Variants in PRUNE2 observed in about 807,000 individuals in gnomAD.
PRUNE2 encodes protein prune homolog 2.
PRUNE2 carries 164 observed loss-of-function variants against 252.0 expected under a neutral mutation model. The observed-to-expected ratio is 0.65, with a 90% CI of 0.57 to 0.74. PRUNE2 has a LOEUF of 0.74. Among genes scored for constraint, PRUNE2 ranks in the 30% least tolerant of loss-of-function variants. The pLI is 0.00. For missense variants in PRUNE2, 3,495 were observed against 3,711.0 expected (o/e 0.94, Z 1.51); for synonymous variants, 1,292 against 1,350.2 (o/e 0.96, Z 0.94).
chr9:76,640,474 T>C (rs1005331989), intron 12 of PRUNE2, among the ~76,000 whole-genome samples: 4 of 152,246 alleles, frequency 2.6e-5, no homozygotes, highest in African/African-American at 7.2e-5. Flanking sequence ...ATACAGTATT[T>C]ATACTACAGA....
At position 76,768,478 on chromosome 9, in the gene PRUNE2, C is replaced by T. The variant is rs1242038303; in HGVS notation, c.757-54757G>A. On this transcript the variant is annotated intron_variant, in intron 6 of 18. Coordinates refer to ENST00000376718, the MANE Select transcript of PRUNE2 (RefSeq NM_015225.3). Reference sequence around the variant, plus strand: ...AAAGTGCTGGGATTACAGGCATGGGCTACTACTCCTGGCCCCATTTCAACA... The same window carrying T: ...AAAGTGCTGGGATTACAGGCATGGGTTACTACTCCTGGCCCCATTTCAACA... 3.9e-5 allele frequency among the ~76,000 whole-genome samples: 6 copies of T among 152,116 alleles called. No homozygotes were observed. The East Asian group carries it at 1.2e-3, about 29-fold the overall frequency.
At chr9:76,673,119 G>T (rs1381816558) in intron 9 of PRUNE2, among the ~76,000 whole-genome samples, 1 of 152,036 alleles carries the variant, frequency 6.6e-6, no homozygotes, top group African/African-American at 2.4e-5. Flanking sequence ...CCAGGAGCTG[G>T]TTTTTTGAAA....
intron 4 of PRUNE2, among the ~76,000 whole-genome samples, chr9:76,837,102 T>C (rs573720669): frequency 1.3e-5 from 2 of 152,054 alleles, no homozygotes; most frequent in Non-Finnish European, 2.9e-5. Context: ...AAAAGAAATT[T>C]GGAGCAGAAA....
chr9:76,626,341 A>C (rs943194140), intron 16 of PRUNE2, among the ~76,000 whole-genome samples: 1 of 152,192 alleles, frequency 6.6e-6, no homozygotes, highest in Admixed American at 6.5e-5. Context: ...TGGTTGTGGG[A>C]GTGGCTGAGA....
intron 6 of PRUNE2, among the ~76,000 whole-genome samples, chr9:76,745,214 G>A (rs1486174154): frequency 6.6e-6 from 1 of 152,088 alleles, no homozygotes; most frequent in Non-Finnish European, 1.5e-5. Flanking sequence ...GCTAACTTTG[G>A]GGGACATTAA....
At chr9:76,779,403 CA>C (rs1317722886) in intron 6 of PRUNE2, among the ~76,000 whole-genome samples, 1 of 152,098 alleles carries the variant, frequency 6.6e-6, no homozygotes, top group African/African-American at 2.4e-5. Context: ...AATTTTGAAA[CA>C]TATCAAAGCT....
At chr9:76,655,121 A>G (rs1263228919) in intron 10 of PRUNE2, among the ~76,000 whole-genome samples, 9 of 152,178 alleles carry the variant, frequency 5.9e-5, no homozygotes, top group Admixed American at 5.9e-4. Context: ...GAGAACTTAG[A>G]CATTAGTCAG....
At chr9:76,830,998 C>G (rs543009924) in intron 4 of PRUNE2, among the ~76,000 whole-genome samples, 1 of 150,364 alleles carries the variant, frequency 6.7e-6, no homozygotes, top group East Asian at 2.0e-4. Flanking sequence ...TGCGTGATCT[C>G]GGCTCTCTGC....
intron 15 of PRUNE2, among the ~76,000 whole-genome samples, chr9:76,632,557 G>A (rs1838136418): frequency 6.6e-6 from 1 of 152,128 alleles, no homozygotes; most frequent in Admixed American, 6.6e-5. Flanking sequence ...GCTGCTGTCA[G>A]TTTATTATTA....
At chr9:76,731,972 C>A (rs1254188850) in intron 6 of PRUNE2, among the ~76,000 whole-genome samples, 1 of 152,218 alleles carries the variant, frequency 6.6e-6, no homozygotes, top group Non-Finnish European at 1.5e-5. Flanking sequence ...CCACCACTAG[C>A]AAGCATCAGG....
intron 4 of PRUNE2, among the ~76,000 whole-genome samples, chr9:76,840,679 A>T (rs2059333168): frequency 6.6e-6 from 1 of 152,226 alleles, no homozygotes; most frequent in Non-Finnish European, 1.5e-5. Context: ...ACCTAGAAGA[A>T]TACATAAAAA....
intron 9 of PRUNE2, among the ~76,000 whole-genome samples, chr9:76,682,775 A>G (rs1166131189): frequency 6.6e-6 from 1 of 152,260 alleles, no homozygotes; most frequent in Non-Finnish European, 1.5e-5. Context: ...AGATCAAATC[A>G]GCATCACTTG....
At chr9:76,721,851 G>C (rs73650287) in intron 6 of PRUNE2, among the ~76,000 whole-genome samples, 4,090 of 152,238 alleles carry the variant, frequency 0.027, 162 homozygotes, top group African/African-American at 0.091. Flanking sequence ...AACTTGAAGG[G>C]ATTATGATTT....
intron 12 of PRUNE2, chr9:76,644,474 A>G (rs2132944302): frequency 5.1e-6 from 2 of 392,882 alleles, no homozygotes; most frequent in South Asian, 2.0e-5. Context: ...ATGACTTTCA[A>G]TAAATTTGCA....
chr9:76,618,905 C>T (rs1459352263), intron 18 of PRUNE2, among the ~76,000 whole-genome samples: 3 of 152,208 alleles, frequency 2.0e-5, no homozygotes, highest in East Asian at 1.9e-4. Context: ...ATCATTCCTA[C>T]AGTCTCATAC....
chr9:76,755,558 A>G (rs2051064610), intron 6 of PRUNE2, among the ~76,000 whole-genome samples: 1 of 152,178 alleles, frequency 6.6e-6, no homozygotes, highest in Non-Finnish European at 1.5e-5. Flanking sequence ...GGAATCTAGA[A>G]GCCTGCCTTG....
At chr9:76,649,961 G>A (rs944144897) in intron 11 of PRUNE2, among the ~76,000 whole-genome samples, 7 of 150,152 alleles carry the variant, frequency 4.7e-5, no homozygotes, top group Admixed American at 6.7e-5. Context: ...AGAGTCTCCC[G>A]CAAGTCAGGA....
intron 6 of PRUNE2, among the ~76,000 whole-genome samples, chr9:76,787,964 G>A (rs766765828): frequency 2.5e-4 from 38 of 152,136 alleles, no homozygotes; most frequent in Non-Finnish European, 3.7e-4. Flanking sequence ...TCCCACACAT[G>A]GCCTCGGAAC....
chr9:76,649,036 A>G (rs897654702), intron 11 of PRUNE2, among the ~76,000 whole-genome samples: 1 of 152,226 alleles, frequency 6.6e-6, no homozygotes, highest in Admixed American at 6.5e-5. Flanking sequence ...CAAGGGATGT[A>G]GACAGTGAAG....
Sources: gnomAD v4.1 joint callset for allele counts (sites outside exome capture counted in the v4.1 genomes callset) on GRCh38, gnomAD v4.1.1 for gene constraint, MANE v1.5 for transcripts, NCBI Gene and HGNC (gene_info 2026-07-23, HGNC 2026-07-21) for gene names.